Variants in CCSER1 observed in about 807,000 individuals in gnomAD.
The protein encoded by CCSER1 is serine-rich coiled-coil domain-containing protein 1.
A neutral mutation model predicts 82.0 loss-of-function variants in CCSER1; 41 were observed. That is an observed-to-expected ratio of 0.50 (90% CI 0.39 to 0.65). The LOEUF is 0.65. Ranked by LOEUF, CCSER1 falls within the 30% of genes least tolerant of loss-of-function variation. The pLI, the probability that CCSER1 is intolerant of heterozygous loss-of-function variation, is 0.00. For missense variants in CCSER1, 1,119 were observed against 1,064.2 expected (o/e 1.05, Z -0.72); for synonymous variants, 414 against 383.9 (o/e 1.08, Z -0.92).
chr4:91,380,352 A>C (rs909806565), intron 10 of CCSER1, among the ~76,000 whole-genome samples: 2 of 152,096 alleles, frequency 1.3e-5, no homozygotes, highest in Non-Finnish European at 2.9e-5. Flanking sequence ...TGAGGTGTTA[A>C]AGTCTCCCAT....
intron 7 of CCSER1, chr4:90,781,430 A>T (rs1247517653): frequency 1.6e-5 from 16 of 984,972 alleles, no homozygotes; most frequent in Non-Finnish European, 1.9e-5. Context: ...AACCTAACTC[A>T]TGGCATTTCT....
At chr4:91,336,070 G>A (rs1408161656) in intron 10 of CCSER1, among the ~76,000 whole-genome samples, 2 of 152,070 alleles carry the variant, frequency 1.3e-5, no homozygotes, top group Non-Finnish European at 2.9e-5. Flanking sequence ...AAGAAAGGAG[G>A]AGGGTATATG....
intron 9 of CCSER1, among the ~76,000 whole-genome samples, chr4:91,048,259 T>C (rs989234569): frequency 3.3e-5 from 5 of 150,592 alleles, no homozygotes; most frequent in African/African-American, 1.2e-4. Context: ...GATTTATATA[T>C]AGTTATATAT....
At chr4:90,571,467 C>T (rs1323367401) in intron 5 of CCSER1, among the ~76,000 whole-genome samples, 1 of 152,108 alleles carries the variant, frequency 6.6e-6, no homozygotes, top group Non-Finnish European at 1.5e-5. Flanking sequence ...AGGTCATTGT[C>T]ATTATCCTAA....
chr4:90,542,534 G>T (rs543891079), intron 5 of CCSER1, among the ~76,000 whole-genome samples: 97 of 152,104 alleles, frequency 6.4e-4, no homozygotes, highest in Non-Finnish European at 1.2e-3. Context: ...GTCACTTAGG[G>T]TACTCAGTTA....
chr4:90,519,724 G>T (rs1239221926), intron 5 of CCSER1, among the ~76,000 whole-genome samples: 1 of 151,830 alleles, frequency 6.6e-6, no homozygotes, highest in Non-Finnish European at 1.5e-5. Flanking sequence ...TTGATTGATG[G>T]CACTTTTATT....
At chr4:91,519,873 C>T (rs1363569055) in intron 10 of CCSER1, among the ~76,000 whole-genome samples, 1 of 152,158 alleles carries the variant, frequency 6.6e-6, no homozygotes, top group Non-Finnish European at 1.5e-5. Context: ...TTACTTGCCA[C>T]CTCCTTTTCT....
chr4:90,271,460 G>A (rs1342323996), intron 1 of CCSER1, among the ~76,000 whole-genome samples: 1 of 151,954 alleles, frequency 6.6e-6, no homozygotes, highest in East Asian at 1.9e-4. Flanking sequence ...AAACTAGACT[G>A]CTATCTCTTA....
intron 10 of CCSER1, among the ~76,000 whole-genome samples, chr4:91,144,099 T>A (rs903979109): frequency 3.3e-5 from 5 of 151,948 alleles, no homozygotes; most frequent in African/African-American, 1.2e-4. Context: ...AGGGTTTTTA[T>A]TCTTTGGTAG....
At chr4:91,363,069 T>C (rs1053816421) in intron 10 of CCSER1, among the ~76,000 whole-genome samples, 3 of 151,734 alleles carry the variant, frequency 2.0e-5, no homozygotes, top group African/African-American at 7.3e-5. Context: ...TTTCTTTTTC[T>C]TTTTTGTCCA....
chr4:91,261,153 ATT>A (rs1322406305), intron 10 of CCSER1, among the ~76,000 whole-genome samples: 1 of 152,058 alleles, frequency 6.6e-6, no homozygotes, highest in Non-Finnish European at 1.5e-5. Flanking sequence ...ACACATGGCA[ATT>A]TTTTTCTAAT....
At chr4:91,152,262 T>G (rs976662754) in intron 10 of CCSER1, among the ~76,000 whole-genome samples, 1 of 152,194 alleles carries the variant, frequency 6.6e-6, no homozygotes, top group African/African-American at 2.4e-5. Flanking sequence ...CTTTGTTCTT[T>G]TAAAGTCTGT....
At chr4:90,945,579 T>C (rs2150340215) in intron 9 of CCSER1, among the ~76,000 whole-genome samples, 1 of 152,276 alleles carries the variant, frequency 6.6e-6, no homozygotes, top group East Asian at 1.9e-4. Context: ...CCGAATACAA[T>C]ATTTGCAGCC....
At chr4:91,091,025 C>G (rs1723892350) in intron 10 of CCSER1, among the ~76,000 whole-genome samples, 1 of 152,122 alleles carries the variant, frequency 6.6e-6, no homozygotes, top group Admixed American at 6.6e-5. Context: ...CATCCTTTTC[C>G]CAAGTAGCCC....
chr4:91,047,336 C>T (rs1053305433), intron 9 of CCSER1, among the ~76,000 whole-genome samples: 2 of 152,082 alleles, frequency 1.3e-5, no homozygotes, highest in African/African-American at 4.8e-5. Flanking sequence ...TTCTAGCTCA[C>T]CATTTTCAAT....
chr4:90,932,544 T>TA (rs557332828), intron 9 of CCSER1, among the ~76,000 whole-genome samples: 85 of 152,128 alleles, frequency 5.6e-4, no homozygotes, highest in Admixed American at 7.9e-4. Context: ...AAGAAACACT[T>TA]AGAGCCCAGC....
At chr4:91,358,727 C>T (rs1363531099) in intron 10 of CCSER1, among the ~76,000 whole-genome samples, 3 of 152,120 alleles carry the variant, frequency 2.0e-5, no homozygotes, top group African/African-American at 7.2e-5. Flanking sequence ...CCAGTTCCTT[C>T]CTGGTGTTCA....
intron 10 of CCSER1, among the ~76,000 whole-genome samples, chr4:91,106,315 C>A (rs897734502): frequency 1.3e-5 from 2 of 152,140 alleles, no homozygotes; most frequent in African/African-American, 4.8e-5. Flanking sequence ...TTCCCGAAGT[C>A]ATAGTTAGTA....
chr4:90,492,616 G>T (rs1768232120), intron 5 of CCSER1, among the ~76,000 whole-genome samples: 1 of 152,134 alleles, frequency 6.6e-6, no homozygotes, highest in Non-Finnish European at 1.5e-5. Context: ...ATGTTAGGGT[G>T]TCAATTTTAG....
Sources: allele counts gnomAD v4.1 joint callset (sites outside exome capture counted in the v4.1 genomes callset), GRCh38; gene constraint gnomAD v4.1.1; transcripts MANE v1.5; gene names NCBI Gene and HGNC (gene_info 2026-07-23, HGNC 2026-07-21).